Variants in LRIG1 observed in about 807,000 individuals in gnomAD.
The protein encoded by LRIG1 is leucine-rich repeats and immunoglobulin-like domains protein 1.
Under a neutral mutation model 99.2 loss-of-function variants are expected in LRIG1, and 48 were observed. That is an observed-to-expected ratio of 0.48 (90% CI 0.38 to 0.62). The LOEUF (loss-of-function observed/expected upper bound fraction) is 0.62. Ranked by LOEUF, LRIG1 falls within the 20% of genes least tolerant of loss-of-function variation. LRIG1 has a pLI of 0.00. For missense variants in LRIG1, 1,646 were observed against 1,434.4 expected (o/e 1.15, Z -2.38); for synonymous variants, 772 against 596.1 (o/e 1.29, Z -4.30).
At chr3:66,487,081 T>C (rs1700991473) in intron 1 of LRIG1, among the ~76,000 whole-genome samples, 1 of 152,160 alleles carries the variant, frequency 6.6e-6, no homozygotes, top group Non-Finnish European at 1.5e-5. Context: ...TCTGATTCTT[T>C]GAAGTGGTTC....
rs543483031 is a variant in LRIG1, at chr3:66,479,125, T to C, written c.219-16616A>G. On this transcript the variant is annotated intron_variant, in intron 1 of 18. Transcript: ENST00000273261. Reference sequence around the variant, plus strand: ...CCTATTGTAAACCTGTCCAGAGCAATTACCCTGCCTGCACTTGGACAGCCT... The same window carrying C: ...CCTATTGTAAACCTGTCCAGAGCAACTACCCTGCCTGCACTTGGACAGCCT... 2.6e-5 allele frequency among the ~76,000 whole-genome samples: 4 copies of C among 152,316 alleles called. 1 individual carries two copies. In the South Asian group the frequency reaches 8.3e-4, roughly 32 times the overall value.
At position 66,386,013 on chromosome 3, in the gene LRIG1, G is replaced by T. The variant is rs200725601; in HGVS notation, c.1757C>A (p.Thr586Asn). 5.6e-6 allele frequency: 9 copies of T among 1,614,054 alleles called. No homozygotes were observed. Among genetic ancestry groups the T allele is most frequent in the Non-Finnish European group, 7.6e-6 (9 of 1,180,028 alleles). The change falls in exon 13 of 19, where the codon ACC becomes AAC. Residue 586 changes from threonine (T) to asparagine (N), a missense_variant. Thr to Asn is a moderately conservative substitution (Grantham distance 65, BLOSUM62 0). Coordinates refer to ENST00000273261, the MANE Select transcript of LRIG1 (RefSeq NM_015541.3). Reference protein sequence around the residue: ...QCVITNHFGSTYSHKARLTVN... With the variant: ...QCVITNHFGSNYSHKARLTVN... ...GGTGAGCCTGGCCTTATGTGAATAGGTGGAGCCAAAGTGGTTGGTGATGAC... is the reference window on the plus strand; with the variant it reads ...GGTGAGCCTGGCCTTATGTGAATAGTTGGAGCCAAAGTGGTTGGTGATGAC...
chr3:66,389,749 G>A (rs551378302), intron 12 of LRIG1, among the ~76,000 whole-genome samples: 2 of 152,230 alleles, frequency 1.3e-5, no homozygotes, highest in African/African-American at 4.8e-5. Flanking sequence ...TTCAACAACG[G>A]ATAGAACTAG....
At chr3:66,395,882 C>A (rs770621818) in intron 11 of LRIG1, among the ~76,000 whole-genome samples, 36 of 152,380 alleles carry the variant, frequency 2.4e-4, no homozygotes, top group Middle Eastern at 3.4e-3. Flanking sequence ...GAGGGCACTT[C>A]CGTGCAGTCA....
chr3:66,480,052 A>T (rs956799780), intron 1 of LRIG1, among the ~76,000 whole-genome samples: 8 of 152,260 alleles, frequency 5.3e-5, no homozygotes, highest in African/African-American at 1.7e-4. Context: ...AAAAGTGGAA[A>T]TAAACAAAGT....
chr3:66,429,289 T>C (rs1703081993), intron 3 of LRIG1, among the ~76,000 whole-genome samples: 1 of 152,030 alleles, frequency 6.6e-6, no homozygotes, highest in Non-Finnish European at 1.5e-5. Context: ...AACGAAAAAA[T>C]CTAGGTACGA....
chr3:66,400,508 C>T (rs1009288437), intron 9 of LRIG1, among the ~76,000 whole-genome samples: 4 of 152,304 alleles, frequency 2.6e-5, no homozygotes, highest in South Asian at 2.1e-4. Context: ...TGATTCTCAG[C>T]GTCAACAGGT....
At chr3:66,383,943 C>T (rs1321926351) in intron 14 of LRIG1, 48 bp downstream of exon 14, 2 of 1,561,970 alleles carry the variant, frequency 1.3e-6, no homozygotes, top group Non-Finnish European at 1.7e-6. Flanking sequence ...GTCTCTCTCT[C>T]TCGCTCACAC....
intron 7 of LRIG1, among the ~76,000 whole-genome samples, chr3:66,408,865 G>A (rs1467692771): frequency 6.8e-6 from 1 of 146,872 alleles, no homozygotes; most frequent in African/African-American, 2.5e-5. Context: ...GGACCACTGT[G>A]TTTTGCATTA....
chr3:66,489,544 T>C (rs1575732766), intron 1 of LRIG1, among the ~76,000 whole-genome samples: 1 of 149,274 alleles, frequency 6.7e-6, no homozygotes, highest in East Asian at 1.9e-4. Context: ...TGTGTGTGTG[T>C]GTGTGTGTCT....
At position 66,384,317 on chromosome 3, in the gene LRIG1, T is replaced by C. The variant is rs371155107; in HGVS notation, c.1790-45A>G. 1.3e-4 allele frequency: 202 copies of C among 1,575,734 alleles called. No homozygotes were observed. In the South Asian group the frequency reaches 2.2e-3, roughly 17 times the overall value. ...AGGGTCGGGTTACGGGACAGCTAGA[T>C]GCAAAACCAGGAAGTCCTCTGGCAA... On this transcript the variant is annotated intron_variant, in intron 13 of 18. Coordinates refer to ENST00000273261, the MANE Select transcript of LRIG1 (RefSeq NM_015541.3).
chr3:66,457,767 C>T (rs545524036), intron 2 of LRIG1, among the ~76,000 whole-genome samples: 1 of 152,296 alleles, frequency 6.6e-6, no homozygotes, highest in South Asian at 2.1e-4. Flanking sequence ...GAGAGTTTTT[C>T]CCACCACATC....
chr3:66,404,137 C>A (rs1702172945), intron 9 of LRIG1: 2 of 709,926 alleles, frequency 2.8e-6, no homozygotes, highest in Non-Finnish European at 4.3e-6. Flanking sequence ...GCCAACAGAG[C>A]TTATTCCTAA....
At position 66,386,087 on chromosome 3, in the gene LRIG1, G is replaced by A. The variant is rs1701357743; in HGVS notation, c.1683C>T (p.Ile561=). ...QDGEVMEYTT[I]LHLRQVTFGH... Reference sequence around the variant, plus strand: ...CGAAAGTGACCTGACGGAGGTGCAGGATGGTGGTGTACTCCATCACTTCCC... The same window carrying A: ...CGAAAGTGACCTGACGGAGGTGCAGAATGGTGGTGTACTCCATCACTTCCC... The change falls in exon 13 of 19, where the codon ATC becomes ATT. Residue 561 remains isoleucine (I), a synonymous_variant. Coordinates refer to ENST00000273261, the MANE Select transcript of LRIG1 (RefSeq NM_015541.3). The A allele has an allele frequency of 6.2e-7, 1 of 1,614,086 alleles. No homozygotes were observed.
chr3:66,500,369 G>A lies in LRIG1; in HGVS notation c.39C>T (p.Arg13=). The part of the protein sequence containing the change: ...RPVRGGLGAP[R]RSPCLLLLWL... ...AGAGAAGGAGAAGGCAAGGCGAGCG[G>A]CGCGGGGCCCCGAGCCCTCCCCGGA... The change falls in exon 1 of 19, where the codon CGC becomes CGT. Residue 13 remains arginine (R), a synonymous_variant. Transcript: ENST00000273261. The A allele has an allele frequency of 2.0e-6, 3 of 1,482,516 alleles. No homozygotes were observed. The East Asian group carries it at 8.1e-5, about 40-fold the overall frequency. 91.8% of individuals were successfully genotyped at this position (1,482,516 alleles called of 1,614,324 possible).
chr3:66,499,138 C>T (rs982679072), intron 1 of LRIG1, among the ~76,000 whole-genome samples: 1 of 152,186 alleles, frequency 6.6e-6, no homozygotes, highest in Admixed American at 6.5e-5. Context: ...CATAACTGAA[C>T]GGGATTTGAC....
chr3:66,381,539 G>T lies in LRIG1; in HGVS notation c.2710C>A (p.His904Asn). The T allele has an allele frequency of 1.9e-6, 3 of 1,614,114 alleles. No homozygotes were observed. The highest frequency in any genetic ancestry group is 2.5e-6 in the Non-Finnish European group (3 of 1,179,996). The change falls in exon 17 of 19, where the codon CAC becomes AAC. Residue 904 changes from histidine to asparagine, a missense_variant. Physicochemically the swap from His to Asn is moderately conservative, Grantham distance 68. Transcript: ENST00000273261. Reference sequence around the variant, plus strand: ...TCCATCGCTTTCCACGGCTCTTTGTGATACGCAGACCCAGCACAGAGCTTT... The same window carrying T: ...TCCATCGCTTTCCACGGCTCTTTGTTATACGCAGACCCAGCACAGAGCTTT... ...QPKLCAGSAY[H>N]KEPWKAMEKA... is the part of the protein sequence containing the mutation.
chr3:66,405,074 C>A (rs577305966), intron 9 of LRIG1, 124 bp downstream of exon 9: 57 of 801,030 alleles, frequency 7.1e-5, no homozygotes, highest in Non-Finnish European at 1.1e-4. Context: ...CTGCCCCAAA[C>A]AAAAGCCAGC....
intron 3 of LRIG1, among the ~76,000 whole-genome samples, chr3:66,432,522 T>C (rs1423709359): frequency 1.3e-5 from 2 of 152,166 alleles, no homozygotes; most frequent in Non-Finnish European, 2.9e-5. Flanking sequence ...TCTTAACATC[T>C]TCCCTCATTT....
Sources: allele counts gnomAD v4.1 joint callset (sites outside exome capture counted in the v4.1 genomes callset), GRCh38; gene constraint gnomAD v4.1.1; transcripts MANE v1.5; gene names NCBI Gene and HGNC (gene_info 2026-07-23, HGNC 2026-07-21).